Variants in GOLGA4 observed in about 807,000 individuals in gnomAD.
GOLGA4 encodes the protein golgin A4, also known as golgin subfamily A member 4.
GOLGA4 carries 169 observed loss-of-function variants against 265.9 expected under a neutral mutation model. That is an observed-to-expected ratio of 0.64 (90% CI 0.56 to 0.72). GOLGA4 has a LOEUF of 0.72. GOLGA4 is among the 30% of genes least tolerant of loss of function. The pLI is 0.00. For missense variants in GOLGA4, 2,482 were observed against 2,483.4 expected, an observed-to-expected ratio of 1.00 and a Z score of 0.01; for synonymous variants, 923 against 855.8, an observed-to-expected ratio of 1.08 and a Z score of -1.37.
chr3:37,265,261 T>A (rs2096780543), intron 2 of GOLGA4, among the ~76,000 whole-genome samples: 1 of 152,166 alleles, frequency 6.6e-6, no homozygotes, highest in African/African-American at 2.4e-5. Flanking sequence ...TATTTTGGTG[T>A]GTAGTATACA....
chr3:37,295,546 T>G (rs2096875982), intron 6 of GOLGA4, among the ~76,000 whole-genome samples: 1 of 152,392 alleles, frequency 6.6e-6, no homozygotes, highest in East Asian at 1.9e-4. Flanking sequence ...GATACTTTTT[T>G]ATTTATTGTA....
At chr3:37,258,147 GT>G (rs1204396881) in intron 2 of GOLGA4, among the ~76,000 whole-genome samples, 1 of 139,266 alleles carries the variant, frequency 7.2e-6, no homozygotes, top group African/African-American at 2.7e-5. Flanking sequence ...ATATATATAT[GT>G]TCTGTATATG....
In GOLGA4 at chr3:37,323,864, A is replaced by G. The variant is rs2096962096; in HGVS notation, c.1978A>G (p.Lys660Glu). 1 of 1,612,208 alleles carries G rather than the reference A, an allele frequency of 6.2e-7. No individual in the cohort carries two copies. Among genetic ancestry groups the G allele is most frequent in the Non-Finnish European group, 8.5e-7 (1 of 1,179,630 alleles). The change falls in exon 14 of 24, where the codon AAA (lysine) becomes GAA (glutamate). Residue 660 changes from lysine (K) to glutamate (E), a missense_variant. Lys to Glu is a moderately conservative substitution (Grantham distance 56). Around this residue, in one of 3 missense-constraint regions of GOLGA4, gnomAD observed 1,536 missense variants for 1,483.7 expected, o/e 1.04. Transcript: ENST00000361924. ...EQEKETLLKDKEIIFQAHIEE... is the reference protein window; with the variant it reads ...EQEKETLLKDEEIIFQAHIEE... Reference sequence around the variant, plus strand: ...AGAAAAAGAAACATTGTTGAAAGACAAAGAGATTATCTTCCAGGCCCACAT... The same window carrying G: ...AGAAAAAGAAACATTGTTGAAAGACGAAGAGATTATCTTCCAGGCCCACAT...
At chr3:37,306,494 C>T (rs2096906453) in intron 10 of GOLGA4, among the ~76,000 whole-genome samples, 2 of 136,474 alleles carry the variant, frequency 1.5e-5, no homozygotes, top group Non-Finnish European at 3.1e-5. Flanking sequence ...TAGTTCTTGG[C>T]TGTTCTCTGT....
chr3:37,276,159 A>G, intron 2 of GOLGA4: 38 of 1,601,992 alleles, frequency 2.4e-5, no homozygotes, highest in Non-Finnish European at 3.0e-5. Flanking sequence ...CGAACAGGGG[A>G]TGACTACATT....
chr3:37,289,402 C>G lies in GOLGA4; in HGVS notation c.582+111C>G, dbSNP rs564757410. 58 of 644,176 alleles carry G rather than the reference C, an allele frequency of 9.0e-5. No homozygotes were observed. In the South Asian group the frequency reaches 9.6e-4, roughly 11 times the overall value. The allele number at this position is 644,176 out of a possible 1,614,324, so 39.9% of individuals were successfully genotyped here. ...TGCATCTCATTAGTTATACTAATAACTAACCAGTCCAGCCTACAAGACCAG... is the reference window on the plus strand; with the variant it reads ...TGCATCTCATTAGTTATACTAATAAGTAACCAGTCCAGCCTACAAGACCAG... On this transcript the variant is annotated intron_variant, in intron 5 of 23. Coordinates refer to ENST00000361924, the MANE Select transcript of GOLGA4 (RefSeq NM_002078.5).
At chr3:37,315,805 A>G (rs1290537248) in intron 11 of GOLGA4, among the ~76,000 whole-genome samples, 3 of 152,198 alleles carry the variant, frequency 2.0e-5, no homozygotes, top group African/African-American at 7.2e-5. Context: ...CTTTCTCTCC[A>G]GTGGACTATG....
chr3:37,272,819 C>T (rs762504639), intron 2 of GOLGA4, among the ~76,000 whole-genome samples: 2 of 151,878 alleles, frequency 1.3e-5, no homozygotes, highest in African/African-American at 2.4e-5. Context: ...TCATGAGTTA[C>T]TTCTATAGTT....
intron 2 of GOLGA4, among the ~76,000 whole-genome samples, chr3:37,251,852 G>T (rs943785293): frequency 7.2e-5 from 11 of 152,028 alleles, no homozygotes; most frequent in Non-Finnish European, 2.9e-5. Flanking sequence ...CCTGGCTAAC[G>T]TTTAAATTTT....
At chr3:37,276,093 C>G in intron 2 of GOLGA4, 1 of 1,611,834 alleles carries the variant, frequency 6.2e-7, no homozygotes, top group East Asian at 2.2e-5. Context: ...CCTCGGGCAC[C>G]AAGCACTTCT....
intron 2 of GOLGA4, chr3:37,276,122 T>G (rs966751674): frequency 1.4e-5 from 22 of 1,609,620 alleles, no homozygotes; most frequent in East Asian, 2.2e-5. Flanking sequence ...GCAGTTGAAG[T>G]GTAGGGAGAT....
chr3:37,337,878 AGGTTTTCTCTC>A, intron 19 of GOLGA4, 144 bp downstream of exon 19: 2 of 590,578 alleles, frequency 3.4e-6, no homozygotes, highest in African/African-American at 1.9e-5. Flanking sequence ...AAGGTACTAG[AGGTTTTCTCTC>A]TAAATTCATG....
rs144354278 is a variant in GOLGA4, at chr3:37,325,239, A to T, written c.3353A>T (p.Lys1118Met). Residue 1118 changes from lysine to methionine, a missense_variant, in exon 14 of 24, where the codon AAG becomes ATG. Physicochemically the swap from Lys to Met is moderately conservative, Grantham distance 95 (BLOSUM62 -1). Coordinates refer to ENST00000361924, the MANE Select transcript of GOLGA4 (RefSeq NM_002078.5). ...LNELQEQLKQ[K>M]SAHVNSLAQD... Reference sequence around the variant, plus strand: ...GAATTACAGGAACAGTTAAAGCAGAAGTCTGCCCATGTGAATTCTCTTGCA... The same window carrying T: ...GAATTACAGGAACAGTTAAAGCAGATGTCTGCCCATGTGAATTCTCTTGCA... The T allele has an allele frequency of 6.2e-7, 1 of 1,613,036 alleles. No homozygotes were observed. Among genetic ancestry groups the T allele is most frequent in the African/African-American group, 1.3e-5 (1 of 75,036 alleles).
intron 12 of GOLGA4, among the ~76,000 whole-genome samples, chr3:37,320,656 A>C (rs2096952317): frequency 2.0e-5 from 3 of 152,252 alleles, no homozygotes; most frequent in Admixed American, 2.0e-4. Context: ...AATGGGGGCA[A>C]GAAAGTTAAG....
intron 8 of GOLGA4, 49 bp downstream of exon 8, chr3:37,299,069 C>G (rs755089901): frequency 7.2e-7 from 1 of 1,397,592 alleles, no homozygotes; most frequent in East Asian, 2.3e-5. Context: ...AAAGTTAGAT[C>G]CACAGGCTCC....
At chr3:37,253,383 CA>C (rs1321849534) in intron 2 of GOLGA4, among the ~76,000 whole-genome samples, 3 of 147,380 alleles carry the variant, frequency 2.0e-5, no homozygotes, top group Non-Finnish European at 3.0e-5. Flanking sequence ...TCCTTTTAAC[CA>C]AAAACTTAAT....
intron 7 of GOLGA4, among the ~76,000 whole-genome samples, chr3:37,296,612 C>G (rs1488580351): frequency 6.6e-6 from 1 of 152,042 alleles, no homozygotes. Flanking sequence ...ACTCTATTGC[C>G]TAGGCTGGAG....
At chr3:37,285,895 A>G (rs796985218) in intron 3 of GOLGA4, 119 bp from the exon 4 acceptor site, 14 of 546,674 alleles carry the variant, frequency 2.6e-5, no homozygotes, top group African/African-American at 2.1e-4. Flanking sequence ...TAATTAGGTT[A>G]TCCTATTAAG....
At chr3:37,318,606 T>G (rs1398166432) in intron 11 of GOLGA4, among the ~76,000 whole-genome samples, 1 of 152,150 alleles carries the variant, frequency 6.6e-6, no homozygotes, top group Non-Finnish European at 1.5e-5. Context: ...ATAATGAGAT[T>G]TGACATTTTT....
Sources: allele counts gnomAD v4.1 joint callset (sites outside exome capture counted in the v4.1 genomes callset), GRCh38; gene constraint gnomAD v4.1.1; regional missense constraint gnomAD v4.1.1; transcripts MANE v1.5; gene names NCBI Gene and HGNC (gene_info 2026-07-23, HGNC 2026-07-21).